Variants in COL14A1 observed in about 807,000 individuals in gnomAD.
COL14A1 encodes the protein collagen type XIV alpha 1 chain, also known as collagen alpha-1(XIV) chain.
A neutral mutation model predicts 230.3 loss-of-function variants in COL14A1; 136 were observed. That is an observed-to-expected ratio of 0.59 (90% CI 0.51 to 0.68). The LOEUF is 0.68. Among genes scored for constraint, COL14A1 ranks in the 30% least tolerant of loss-of-function variants. COL14A1 has a pLI of 0.00. For synonymous variants in COL14A1, 792 were observed against 784.1 expected, an observed-to-expected ratio of 1.01 and a Z score of -0.17; for missense variants, 1,976 against 2,215.8, an observed-to-expected ratio of 0.89 and a Z score of 2.17.
Position 120,212,450 on chromosome 8 carries a change from GA to G in COL14A1, c.1474del (p.Ile492LeufsTer10). ...CTAACAACATGTGTTCTTTTCAGAT[GA>G]AAATTGGAGAGACCCACACAGATAT... is the stretch of plus-strand genomic sequence containing the variant. ...EGLAGDEKEM[K>X]IGETHTDIEL... On this transcript the variant is annotated frameshift_variant, in exon 13 of 48. Coordinates refer to ENST00000297848, the MANE Select transcript of COL14A1 (RefSeq NM_021110.4). LOFTEE classifies it high-confidence loss of function. 6.2e-7 allele frequency: 1 copy of G among 1,612,978 alleles called. No homozygotes were observed. Among genetic ancestry groups the G allele is most frequent in the Non-Finnish European group, 8.5e-7 (1 of 1,179,258 alleles).
Position 120,227,190 on chromosome 8 carries a change from A to G in COL14A1, c.2005-30A>G, listed in dbSNP as rs752121222. 2.5e-6 allele frequency: 4 copies of G among 1,608,606 alleles called. No individual in the cohort carries two copies. In the East Asian group the frequency reaches 6.7e-5, roughly 27 times the overall value. Reference sequence around the variant, plus strand: ...TTCTTTACTTTTTTTTCAAATAAGCATAGTTACTAAGCACCAAAATATATT... The same window carrying G: ...TTCTTTACTTTTTTTTCAAATAAGCGTAGTTACTAAGCACCAAAATATATT... On this transcript the variant is annotated intron_variant, in intron 16 of 47. Transcript: ENST00000297848.
chr8:120,198,016 T>A (rs1817100755), intron 7 of COL14A1, 86 bp downstream of exon 7: 3 of 1,331,306 alleles, frequency 2.3e-6, no homozygotes, highest in Admixed American at 2.1e-5. Flanking sequence ...GTAAGCGTTA[T>A]CATAATGTTT....
chr8:120,231,054 G>A lies in COL14A1; in HGVS notation c.2198-413G>A, dbSNP rs932579257. Reference sequence around the variant, plus strand: ...AGGGCAGGTGATTGGGATGTGTGTTGGATGCTGGATTGCACACAGAGGTGG... The same window carrying A: ...AGGGCAGGTGATTGGGATGTGTGTTAGATGCTGGATTGCACACAGAGGTGG... On this transcript the variant is annotated intron_variant, in intron 18 of 47. Transcript: ENST00000297848. Among the ~76,000 whole-genome samples, 11 of 152,280 alleles carry A rather than the reference G, an allele frequency of 7.2e-5. No homozygotes were observed. The South Asian group carries it at 1.2e-3, about 17-fold the overall frequency.
intron 46 of COL14A1, among the ~76,000 whole-genome samples, chr8:120,367,846 G>A (rs1823456092): frequency 6.6e-6 from 1 of 151,754 alleles, no homozygotes; most frequent in South Asian, 2.1e-4. Flanking sequence ...TTGAGAGGCT[G>A]AAACAGAGGA....
intron 34 of COL14A1, among the ~76,000 whole-genome samples, chr8:120,296,035 A>G (rs1197714464): frequency 2.0e-5 from 3 of 151,952 alleles, no homozygotes; most frequent in African/African-American, 7.2e-5. Flanking sequence ...GTGCAAAAGC[A>G]ATTGCAGTTT....
intron 46 of COL14A1, among the ~76,000 whole-genome samples, chr8:120,367,944 GA>G (rs140851070): frequency 8.1e-4 from 106 of 130,924 alleles, no homozygotes; most frequent in African/African-American, 1.2e-3. Flanking sequence ...ACCCTGTCTC[GA>G]AAAAAAAAAA....
Position 120,218,083 on chromosome 8 carries a change from T to A in COL14A1, c.1737+1593T>A, listed in dbSNP as rs1817814406. On this transcript the variant is annotated intron_variant, in intron 14 of 47. Coordinates refer to ENST00000297848, the MANE Select transcript of COL14A1 (RefSeq NM_021110.4). ...TATGTATCTATATATAAATATATAA[T>A]ATATAAATATAAATACATAAATATA... Among the ~76,000 whole-genome samples the A allele has an allele frequency of 2.9e-5, 4 of 138,952 alleles. No individual in the cohort carries two copies. In the South Asian group the frequency reaches 8.5e-4, roughly 29 times the overall value. The allele number at this position is 138,952 out of a possible 152,430, so 91.2% of individuals were successfully genotyped here. A position where few individuals can be genotyped will look rare whatever the true frequency, so the allele number is the denominator to read the frequency against.
At chr8:120,257,301 C>G (rs915795999) in intron 23 of COL14A1, among the ~76,000 whole-genome samples, 3 of 152,212 alleles carry the variant, frequency 2.0e-5, no homozygotes, top group Non-Finnish European at 2.9e-5. Context: ...GTTCAATGTA[C>G]TTCTCATCAA....
At chr8:120,286,573 G>A (rs991825247) in intron 33 of COL14A1, among the ~76,000 whole-genome samples, 11 of 152,000 alleles carry the variant, frequency 7.2e-5, no homozygotes, top group Admixed American at 2.0e-4. Context: ...GCAGTGGCGC[G>A]ATCTTGGCTC....
intron 40 of COL14A1, among the ~76,000 whole-genome samples, chr8:120,329,387 A>G (rs1821794112): frequency 6.6e-6 from 1 of 152,174 alleles, no homozygotes; most frequent in Non-Finnish European, 1.5e-5. Context: ...CGTGCAGACT[A>G]CTTGAGCCTA....
intron 18 of COL14A1, among the ~76,000 whole-genome samples, chr8:120,230,605 C>T (rs1818237503): frequency 6.6e-6 from 1 of 152,106 alleles, no homozygotes; most frequent in African/African-American, 2.4e-5. Context: ...CCCTCCCATT[C>T]CCATTGCCTG....
chr8:120,146,538 A>G (rs574508041), intron 1 of COL14A1, among the ~76,000 whole-genome samples: 1 of 152,208 alleles, frequency 6.6e-6, no homozygotes, highest in East Asian at 1.9e-4. Context: ...TTATCACCAA[A>G]ATTTCCCCTT....
In COL14A1 at chr8:120,196,919, G is replaced by C; in HGVS notation, c.565G>C (p.Asp189His). 6.2e-7 allele frequency: 1 copy of C among 1,613,964 alleles called. No individual in the cohort carries two copies. The highest frequency in any genetic ancestry group is 8.5e-7 in the Non-Finnish European group (1 of 1,179,934). ...HFLENLVTAF[D>H]VGSEKTRIGL... ...CTTGGAAAACCTGGTTACAGCATTC[G>C]ATGTGGGCTCAGAGAAGACACGAAT... Residue 189 changes from aspartate to histidine, a missense_variant, in exon 6 of 48, where the codon GAT becomes CAT. Around this residue, in one of 3 missense-constraint regions of COL14A1, gnomAD observed 1,791 missense variants for 2,019.5 expected, o/e 0.89. Coordinates refer to ENST00000297848, the MANE Select transcript of COL14A1 (RefSeq NM_021110.4).
chr8:120,316,029 AAGT>A (rs1821216633), intron 40 of COL14A1, 32 bp downstream of exon 40: 2 of 1,610,874 alleles, frequency 1.2e-6, no homozygotes, highest in Admixed American at 3.3e-5. Flanking sequence ...GTTTTTAGCA[AAGT>A]AGTGACCTTT....
intron 41 of COL14A1, 32 bp downstream of exon 41, chr8:120,332,226 T>TACG (rs1821894952): frequency 5.6e-6 from 9 of 1,597,230 alleles, no homozygotes; most frequent in Admixed American, 1.7e-5. Context: ...TGGGACATAC[T>TACG]CTGTTTTAAA....
Position 120,314,309 on chromosome 8 carries a change from C to T in COL14A1, c.4551+282C>T, listed in dbSNP as rs572720615. Among the ~76,000 whole-genome samples, 7 of 152,238 alleles carry T rather than the reference C, an allele frequency of 4.6e-5. No homozygotes were observed. The South Asian group carries it at 1.5e-3, about 32-fold the overall frequency. ...GCTTAGCATGTATAGCCCTTTTTCTCGTCTAACTAAATTCTTAATGGATGT... is the reference window on the plus strand; with the variant it reads ...GCTTAGCATGTATAGCCCTTTTTCTTGTCTAACTAAATTCTTAATGGATGT... On this transcript the variant is annotated intron_variant, in intron 38 of 47. Coordinates refer to ENST00000297848, the MANE Select transcript of COL14A1 (RefSeq NM_021110.4).
Position 120,303,382 on chromosome 8 carries a change from A to G in COL14A1, c.4401+2564A>G, listed in dbSNP as rs369380963. ...ATGATGTTGGCTGCAGGTTTGTCAT[A>G]TATGGCTCTTATTATTTTAAGGTAT... is the stretch of plus-strand genomic sequence containing the variant. On this transcript the variant is annotated intron_variant, in intron 36 of 47. Transcript: ENST00000297848. Among the ~76,000 whole-genome samples the G allele has an allele frequency of 2.9e-4, 44 of 152,254 alleles. No homozygotes were observed. The South Asian group carries it at 3.7e-3, about 13-fold the overall frequency.
chr8:120,356,332 G>C (rs1026480018), intron 45 of COL14A1, among the ~76,000 whole-genome samples: 4 of 152,238 alleles, frequency 2.6e-5, no homozygotes, highest in Non-Finnish European at 4.4e-5. Flanking sequence ...GTCACACAGT[G>C]GAACAATAGG....
chr8:120,303,814 T>C (rs1359906228), intron 36 of COL14A1, among the ~76,000 whole-genome samples: 2 of 152,188 alleles, frequency 1.3e-5, no homozygotes, highest in Non-Finnish European at 2.9e-5. Flanking sequence ...AAAGGAATGT[T>C]ACCAGCTCTT....
Sources: gnomAD v4.1 joint callset for allele counts (sites outside exome capture counted in the v4.1 genomes callset) on GRCh38, gnomAD v4.1.1 for gene constraint, gnomAD v4.1.1 regional missense constraint, MANE v1.5 for transcripts, NCBI Gene and HGNC (gene_info 2026-07-23, HGNC 2026-07-21) for gene names.